TG: variants seen among roughly 807,000 people sequenced by gnomAD.
TG encodes the protein thyroid hormones.
A neutral mutation model predicts 324.7 loss-of-function variants in TG; 270 were observed. The ratio of observed to expected loss-of-function variants is 0.83; its 90% CI spans 0.75 to 0.92. The LOEUF (loss-of-function observed/expected upper bound fraction) is 0.92, where lower values mean the gene tolerates loss of function less well. Ranked by LOEUF, TG falls within the 40% of genes least tolerant of loss-of-function variation. TG has a pLI of 0.00. For missense variants in TG, 3,591 were observed against 3,456.4 expected (o/e 1.04, Z -0.98); for synonymous variants, 1,401 against 1,327.0 (o/e 1.06, Z -1.21).
chr8:132,871,612 G>A, intron 4 of TG, 61 bp downstream of exon 4: 2 of 1,544,554 alleles, frequency 1.3e-6, no homozygotes, highest in Non-Finnish European at 1.8e-6. Context: ...TTTCCTCACT[G>A]CGATCCAACA....
intron 26 of TG, among the ~76,000 whole-genome samples, chr8:132,945,759 G>T (rs1184633654): frequency 1.3e-5 from 2 of 152,146 alleles, no homozygotes; most frequent in African/African-American, 2.4e-5. Flanking sequence ...AGGAGATGGG[G>T]ATAGTGGATC....
rs373163750 is a variant in TG, at chr8:132,934,213, T to C, written c.4932+537T>C. Among the ~76,000 whole-genome samples the C allele has an allele frequency of 5.3e-5, 8 of 152,122 alleles. No individual in the cohort carries two copies. The East Asian group carries it at 7.8e-4, about 15-fold the overall frequency. Reference sequence around the variant, plus strand: ...AGCTGGGTGTGGTGGTGGACACCTGTAATCCCAGCTACTGGGGAGGCTGAG... The same window carrying C: ...AGCTGGGTGTGGTGGTGGACACCTGCAATCCCAGCTACTGGGGAGGCTGAG... On this transcript the variant is annotated intron_variant, in intron 24 of 47. Coordinates refer to ENST00000220616, the MANE Select transcript of TG (RefSeq NM_003235.5).
chr8:133,124,975 C>A (rs533075264), intron 45 of TG, among the ~76,000 whole-genome samples: 1 of 152,302 alleles, frequency 6.6e-6, no homozygotes, highest in African/African-American at 2.4e-5. Context: ...AATCCATCAG[C>A]CTGGCTACAT....
intron 43 of TG, among the ~76,000 whole-genome samples, chr8:133,099,921 T>C (rs1200530109): frequency 6.6e-6 from 1 of 152,210 alleles, no homozygotes; most frequent in Non-Finnish European, 1.5e-5. Flanking sequence ...TTGCCTCTTA[T>C]AATCTATGAG....
chr8:132,939,088 T>C (rs1228406750), intron 25 of TG, among the ~76,000 whole-genome samples: 1 of 141,958 alleles, frequency 7.0e-6, no homozygotes, highest in Non-Finnish European at 1.5e-5. Flanking sequence ...CATGCAAAGC[T>C]CTCAGGATAG....
chr8:133,001,291 G>A (rs775802353), intron 35 of TG, among the ~76,000 whole-genome samples: 6 of 152,162 alleles, frequency 3.9e-5, no homozygotes, highest in African/African-American at 7.2e-5. Context: ...ATGCGGAGTC[G>A]AAGATAAGAG....
At chr8:133,040,788 A>G (rs1350112832) in intron 41 of TG, among the ~76,000 whole-genome samples, 1 of 152,228 alleles carries the variant, frequency 6.6e-6, no homozygotes, top group African/African-American at 2.4e-5. Flanking sequence ...AGTAGAAGAC[A>G]CAGGAAGGGA....
chr8:133,001,422 T>C (rs976574992), intron 35 of TG, among the ~76,000 whole-genome samples: 1 of 152,174 alleles, frequency 6.6e-6, no homozygotes, highest in East Asian at 1.9e-4. Context: ...GCTGCAAGTG[T>C]AAAGAATTTC....
chr8:132,891,093 C>T (rs765863010), intron 10 of TG, among the ~76,000 whole-genome samples: 10 of 151,986 alleles, frequency 6.6e-5, no homozygotes, highest in Admixed American at 1.3e-4. Flanking sequence ...CGGTGGAGGG[C>T]GCTCAGAGAA....
At chr8:133,085,558 A>G (rs1846393154) in intron 41 of TG, among the ~76,000 whole-genome samples, 2 of 152,216 alleles carry the variant, frequency 1.3e-5, no homozygotes, top group South Asian at 4.1e-4. Flanking sequence ...CTGAATAGAC[A>G]TTTCTCCAAA....
In TG at chr8:133,042,678, C is replaced by CTTTTTTTTTTTTTT. The variant is rs58739514; in HGVS notation, c.7239+12673_7239+12686dup. ...GTGCACAATTCCTCTCATTCTGTGT[C>CTTTTTTTTTTTTTT]TTTTTTTTTTTTTTTTTTTTTTTTT... On this transcript the variant is annotated intron_variant, in intron 41 of 47. Coordinates refer to ENST00000220616, the MANE Select transcript of TG (RefSeq NM_003235.5). Among the ~76,000 whole-genome samples, 53 of 56,764 alleles carry CTTTTTTTTTTTTTT rather than the reference C, an allele frequency of 9.3e-4. 8 individuals are homozygous for CTTTTTTTTTTTTTT. Among genetic ancestry groups the CTTTTTTTTTTTTTT allele is most frequent in the Non-Finnish European group, 1.2e-3 (36 of 30,784 alleles). The allele number at this position is 56,764 out of a possible 152,430, so 37.2% of individuals were successfully genotyped here. A position where few individuals can be genotyped will look rare whatever the true frequency, so the allele number is the denominator to read the frequency against.
intron 36 of TG, among the ~76,000 whole-genome samples, chr8:133,013,028 C>T (rs1012292404): frequency 1.8e-4 from 27 of 152,206 alleles, no homozygotes; most frequent in Admixed American, 7.2e-4. Context: ...AGATAAAGGC[C>T]GGAGTATGGA....
intron 18 of TG, 123 bp downstream of exon 18, chr8:132,908,463 C>A: frequency 3.8e-6 from 1 of 266,452 alleles, no homozygotes; most frequent in Non-Finnish European, 6.8e-6. Flanking sequence ...CAAGTGTTTG[C>A]TGGAACTAAT....
Position 132,887,093 on chromosome 8 carries a change from T to G in TG, c.1721T>G (p.Leu574Arg). The G allele has an allele frequency of 1.2e-6, 2 of 1,614,208 alleles. No homozygotes were observed. The highest frequency in any genetic ancestry group is 1.1e-5 in the South Asian group (1 of 91,078). Reference protein sequence around the residue: ...ALKFLASLLELPEFLLFLQHA... With the variant: ...ALKFLASLLERPEFLLFLQHA... ...AAATTCCTTGCTTCTCTCCTGGAGCTTCCAGAATTCCTTCTCTTCTTGCAA... is the reference window on the plus strand; with the variant it reads ...AAATTCCTTGCTTCTCTCCTGGAGCGTCCAGAATTCCTTCTCTTCTTGCAA... The change falls in exon 9 of 48, where the codon CTT (leucine) becomes CGT (arginine). Residue 574 changes from leucine (L) to arginine (R), a missense_variant. Physicochemically the swap from Leu to Arg is moderately radical, Grantham distance 102. Coordinates refer to ENST00000220616, the MANE Select transcript of TG (RefSeq NM_003235.5).
Position 132,901,573 on chromosome 8 carries a change from G to A in TG, c.3634+20G>A. On this transcript the variant is annotated intron_variant, in intron 16 of 47. Transcript: ENST00000220616. ...GTGAGAGTAAGTCATGACCCCCTGG[G>A]GGGACGACGAGGCCTGCATATCTGT... 1 of 1,607,800 alleles carries A rather than the reference G, an allele frequency of 6.2e-7. No individual in the cohort carries two copies. The highest frequency in any genetic ancestry group is 8.5e-7 in the Non-Finnish European group (1 of 1,176,910).
intron 41 of TG, among the ~76,000 whole-genome samples, chr8:133,088,341 A>T (rs548074721): frequency 6.6e-6 from 1 of 152,132 alleles, no homozygotes; most frequent in African/African-American, 2.4e-5. Context: ...CCAGCCGCTC[A>T]TGAGTGGAAT....
chr8:132,959,836 TTTG>T (rs780546954), intron 27 of TG, among the ~76,000 whole-genome samples: 9 of 152,186 alleles, frequency 5.9e-5, no homozygotes, highest in Non-Finnish European at 1.2e-4. Flanking sequence ...CAGTCCACCT[TTTG>T]TTGTTGTTGT....
chr8:132,973,628 A>G (rs1352850365), intron 34 of TG, among the ~76,000 whole-genome samples: 1 of 152,204 alleles, frequency 6.6e-6, no homozygotes, highest in South Asian at 2.1e-4. Flanking sequence ...GAGACTCACT[A>G]TGATTCTGTC....
At chr8:132,994,581 C>T in intron 35 of TG, 1 of 837,482 alleles carries the variant, frequency 1.2e-6, no homozygotes, top group Non-Finnish European at 1.6e-6. Context: ...GTGGCTAGTG[C>T]TACACAAAGT....
Sources: allele counts gnomAD v4.1 joint callset (sites outside exome capture counted in the v4.1 genomes callset), GRCh38; gene constraint gnomAD v4.1.1; transcripts MANE v1.5; gene names NCBI Gene and HGNC (gene_info 2026-07-23, HGNC 2026-07-21).